Variants in EHF observed in about 807,000 individuals in gnomAD.
EHF encodes ESE3 transcription factor.
EHF carries 14 observed loss-of-function variants against 45.1 expected under a neutral mutation model. The ratio of observed to expected loss-of-function variants is 0.31; its 90% CI spans 0.21 to 0.49. EHF has a LOEUF of 0.49. Ranked by LOEUF, EHF falls within the 20% of genes least tolerant of loss-of-function variation. The pLI, the probability that EHF is intolerant of heterozygous loss-of-function variation, is 0.99. For missense variants in EHF, 282 were observed against 371.4 expected, an observed-to-expected ratio of 0.76 and a Z score of 1.98; for synonymous variants, 136 against 131.8, an observed-to-expected ratio of 1.03 and a Z score of -0.22.
At chr11:34,632,789 T>C in intron 1 of EHF, 1 of 1,054,286 alleles carries the variant, frequency 9.5e-7, no homozygotes, top group Non-Finnish European at 1.4e-6. Flanking sequence ...CGTGTCCTTG[T>C]GAATAGTCCA....
chr11:34,648,482 A>G (rs532716981), intron 3 of EHF, among the ~76,000 whole-genome samples: 1 of 152,214 alleles, frequency 6.6e-6, no homozygotes, highest in Non-Finnish European at 1.5e-5. Context: ...AAGAGTCACC[A>G]CATTTTATCC....
chr11:34,632,697 G>T, intron 1 of EHF: 1 of 1,532,094 alleles, frequency 6.5e-7, no homozygotes, highest in Non-Finnish European at 8.7e-7. Flanking sequence ...GGCTCTCTCT[G>T]CTCTTGCCCC....
intron 1 of EHF, among the ~76,000 whole-genome samples, chr11:34,633,501 G>A (rs1853101006): frequency 6.6e-6 from 1 of 152,138 alleles, no homozygotes; most frequent in Admixed American, 6.5e-5. Flanking sequence ...GCAGATTTTA[G>A]TTTAGAGATC....
At position 34,649,903 on chromosome 11, in the gene EHF, G is replaced by A. The variant is rs991924636; in HGVS notation, c.406+822G>A. On this transcript the variant is annotated intron_variant, in intron 4 of 8. Transcript: ENST00000257831. ...CCTGCAGGTGATTTGTGAGTCACTT[G>A]GGGCCAAAATTGGCCCATGCAGTTA... Among the ~76,000 whole-genome samples, 8 of 152,344 alleles carry A rather than the reference G, an allele frequency of 5.3e-5. No individual in the cohort carries two copies. In the East Asian group the frequency reaches 1.5e-3, roughly 29 times the overall value.
rs778334195 is a variant in EHF, at chr11:34,651,789, C to G, written c.528C>G (p.Thr176=). The change falls in exon 6 of 9, where the codon ACC becomes ACG. Residue 176 remains threonine, a synonymous_variant. Coordinates refer to ENST00000257831, the MANE Select transcript of EHF (RefSeq NM_012153.6). ...GGGCTCAGATCTCCATGACAACCAC[C>G]AGTCACCTTCCTGTTGGTAAGCTGT... ...FCRAQISMTT[T]SHLPVAESPD... 1.9e-6 allele frequency: 3 copies of G among 1,613,866 alleles called. No individual in the cohort carries two copies. The highest frequency in any genetic ancestry group is 2.5e-6 in the Non-Finnish European group (3 of 1,179,944).
At chr11:34,656,868 G>A (rs762265391) in intron 6 of EHF, 40 bp from the exon 7 acceptor site, 1 of 1,602,156 alleles carries the variant, frequency 6.2e-7, no homozygotes, top group South Asian at 1.1e-5. Flanking sequence ...GAGAATTATA[G>A]GAAATAGGTC....
At chr11:34,632,712 C>A in intron 1 of EHF, 1 of 1,521,430 alleles carries the variant, frequency 6.6e-7, no homozygotes, top group South Asian at 1.2e-5. Context: ...TGCCCCATTC[C>A]ATTCACAACA....
intron 7 of EHF, among the ~76,000 whole-genome samples, chr11:34,657,316 T>C (rs1380759007): frequency 1.3e-5 from 2 of 152,196 alleles, no homozygotes; most frequent in Non-Finnish European, 2.9e-5. Context: ...AAGAAACAGC[T>C]GAGATGTATC....
intron 4 of EHF, among the ~76,000 whole-genome samples, chr11:34,651,150 T>A (rs200708548): frequency 0.22 from 33,298 of 151,116 alleles, 4,074 homozygotes; most frequent in East Asian, 0.52. Context: ...AATAAATTAA[T>A]CCCTAACAAG....
chr11:34,656,959 C>T lies in EHF; in HGVS notation c.596C>T (p.Thr199Ile), dbSNP rs775674003. ...KEQDPPAKCHTKKHNPRGTHL... is the reference protein window; with the variant it reads ...KEQDPPAKCHIKKHNPRGTHL... ...CAAGACCCCCCTGCCAAGTGCCACACCAAAAAGCACAGTAAGTTGGCTGGC... is the reference window on the plus strand; with the variant it reads ...CAAGACCCCCCTGCCAAGTGCCACATCAAAAAGCACAGTAAGTTGGCTGGC... The change falls in exon 7 of 9, where the codon ACC becomes ATC. Residue 199 changes from threonine to isoleucine, a missense_variant. Physicochemically the swap from Thr to Ile is moderately conservative, Grantham distance 89. Transcript: ENST00000257831. 3.7e-6 allele frequency: 6 copies of T among 1,613,598 alleles called. No individual in the cohort carries two copies. The highest frequency in any genetic ancestry group is 4.5e-5 in the East Asian group (2 of 44,782).
chr11:34,657,660 C>T (rs1298850048), intron 7 of EHF, among the ~76,000 whole-genome samples: 1 of 151,676 alleles, frequency 6.6e-6, no homozygotes, highest in African/African-American at 2.4e-5. Flanking sequence ...CATGGTGGCA[C>T]GTGCCTGTAG....
At chr11:34,654,772 A>G (rs559974845) in intron 6 of EHF, among the ~76,000 whole-genome samples, 1 of 152,288 alleles carries the variant, frequency 6.6e-6, no homozygotes, top group East Asian at 1.9e-4. Flanking sequence ...TTATTCACAA[A>G]GGCACCTGAA....
intron 6 of EHF, among the ~76,000 whole-genome samples, chr11:34,652,355 T>C (rs1038994055): frequency 2.0e-5 from 3 of 152,210 alleles, no homozygotes; most frequent in Admixed American, 6.5e-5. Flanking sequence ...TCAGAGCACC[T>C]GCATTTTATG....
Position 34,659,998 on chromosome 11 carries a change from A to T in EHF, c.*1067A>T, listed in dbSNP as rs2134249405. Reference sequence around the variant, plus strand: ...GGTGGCAAATTTGCCCTTGATTGAGAACCACCAGTTTAGCTAGTCAATATG... The same window carrying T: ...GGTGGCAAATTTGCCCTTGATTGAGTACCACCAGTTTAGCTAGTCAATATG... On this transcript the variant is annotated 3_prime_UTR_variant, in exon 9 of 9. Transcript: ENST00000257831. 1 of 152,258 alleles carries T rather than the reference A, an allele frequency of 6.6e-6. No individual in the cohort carries two copies. The highest frequency in any genetic ancestry group is 2.4e-5 in the African/African-American group (1 of 41,564). 9.4% of individuals were successfully genotyped at this position (152,258 alleles called of 1,614,324 possible).
chr11:34,648,918 A>G, intron 3 of EHF, 101 bp from the exon 4 acceptor site: 3 of 1,119,352 alleles, frequency 2.7e-6, no homozygotes, highest in East Asian at 2.5e-5. Flanking sequence ...AGGCAGTAGG[A>G]TGGCAGAAGC....
At chr11:34,655,586 T>C (rs1855588534) in intron 6 of EHF, among the ~76,000 whole-genome samples, 1 of 152,224 alleles carries the variant, frequency 6.6e-6, no homozygotes, top group Non-Finnish European at 1.5e-5. Flanking sequence ...GTCAAGTCAT[T>C]TGACCCCTCT....
Position 34,649,061 on chromosome 11 carries a change from T to C in EHF, c.386T>C (p.Ile129Thr), listed in dbSNP as rs1156403908. 1.9e-6 allele frequency: 3 copies of C among 1,613,870 alleles called. No individual in the cohort carries two copies. The highest frequency in any genetic ancestry group is 2.7e-5 in the African/African-American group (2 of 74,916). ...CTGTTCCAGTCCACACACAATGTCA[T>C]TGTCAAGACTGAACAAACTGGTGAG... ...SDLFQSTHNV[I>T]VKTEQTEPSI... The change falls in exon 4 of 9, where the codon ATT becomes ACT. Residue 129 changes from isoleucine to threonine, a missense_variant. Ile to Thr is a moderately conservative substitution (Grantham distance 89). This residue lies in a region of EHF where 213 missense variants were observed against 247.3 expected (regional missense o/e 0.86). Coordinates refer to ENST00000257831, the MANE Select transcript of EHF (RefSeq NM_012153.6).
At chr11:34,636,781 C>A (rs569720230) in intron 1 of EHF, among the ~76,000 whole-genome samples, 1 of 152,168 alleles carries the variant, frequency 6.6e-6, no homozygotes, top group East Asian at 1.9e-4. Flanking sequence ...GCCTGTAATC[C>A]CAGCACTTTG....
chr11:34,643,242 C>T (rs575907637), intron 2 of EHF, among the ~76,000 whole-genome samples: 3 of 152,166 alleles, frequency 2.0e-5, no homozygotes, highest in South Asian at 4.2e-4. Flanking sequence ...ATCTAGAACA[C>T]GTCTATTAGA....
Sources: allele counts gnomAD v4.1 joint callset (sites outside exome capture counted in the v4.1 genomes callset), GRCh38; gene constraint gnomAD v4.1.1; regional missense constraint gnomAD v4.1.1; transcripts MANE v1.5; gene names NCBI Gene and HGNC (gene_info 2026-07-23, HGNC 2026-07-21).